RBM34: variants seen among roughly 807,000 people sequenced by gnomAD.
RBM34 encodes RNA-binding protein 34.
Under a neutral mutation model 44.6 loss-of-function variants are expected in RBM34, and 39 were observed. That is an observed-to-expected ratio of 0.87 (90% confidence interval 0.68 to 1.14). The LOEUF (loss-of-function observed/expected upper bound fraction) is 1.14. RBM34 is among the 50% of genes most tolerant of loss of function. The pLI, the probability that RBM34 is intolerant of heterozygous loss-of-function variation, is 0.00. For missense variants in RBM34, 572 were observed against 517.9 expected (o/e 1.10, Z -1.01); for synonymous variants, 194 against 184.0 (o/e 1.05, Z -0.44).
intron 3 of RBM34, chr1:235,160,120 G>T (rs973686507): frequency 1.5e-5 from 5 of 327,762 alleles, no homozygotes; most frequent in African/African-American, 1.1e-4. Context: ...TGGGCATGGT[G>T]ACGCAGGCCT....
At chr1:235,132,915 G>A (rs996726852) in intron 10 of RBM34, among the ~76,000 whole-genome samples, 4 of 152,138 alleles carry the variant, frequency 2.6e-5, no homozygotes, top group African/African-American at 7.2e-5. Flanking sequence ...GGCAACAAAC[G>A]CTGTGACAAT....
At position 235,138,434 on chromosome 1, in the gene RBM34, T is replaced by C. The variant is rs553130813; in HGVS notation, c.702-260A>G. Among the ~76,000 whole-genome samples, 179 of 152,338 alleles carry C rather than the reference T, an allele frequency of 1.2e-3. 1 individual carries two copies. The highest frequency in any genetic ancestry group is 3.4e-4 in the Non-Finnish European group (23 of 68,036). ...TGAGAAAACAGATGAACCATGTATA[T>C]GAATCCCTGAGAACCATACAAGAAC... On this transcript the variant is annotated intron_variant, in intron 6 of 10. Transcript: ENST00000408888.
intron 6 of RBM34, among the ~76,000 whole-genome samples, chr1:235,147,362 C>T (rs1661948703): frequency 6.6e-6 from 1 of 152,196 alleles, no homozygotes; most frequent in African/African-American, 2.4e-5. Flanking sequence ...CTTGTACATA[C>T]ACCTGTCAGA....
At chr1:235,152,964 G>A (rs2102855527) in intron 4 of RBM34, among the ~76,000 whole-genome samples, 199 bp from the exon 5 acceptor site, 1 of 151,092 alleles carries the variant, frequency 6.6e-6, no homozygotes, top group Middle Eastern at 3.4e-3. Context: ...CGCCCCCACG[G>A]CTTCAAGTGA....
intron 3 of RBM34, among the ~76,000 whole-genome samples, chr1:235,156,275 G>A (rs888304169): frequency 6.6e-6 from 1 of 152,034 alleles, no homozygotes; most frequent in Non-Finnish European, 1.5e-5. Context: ...AAGTGCTAGG[G>A]TTACAGGCGT....
intron 10 of RBM34, 101 bp from the exon 11 acceptor site, chr1:235,132,098 G>A: frequency 8.9e-7 from 1 of 1,120,394 alleles, no homozygotes; most frequent in East Asian, 2.4e-5. Flanking sequence ...TTTCAAGCTT[G>A]CACAGATAAG....
At chr1:235,151,477 C>A (rs186948572) in intron 5 of RBM34, among the ~76,000 whole-genome samples, 1 of 152,318 alleles carries the variant, frequency 6.6e-6, no homozygotes, top group East Asian at 1.9e-4. Context: ...ACTGTCAAAG[C>A]TTTGGGTAAC....
rs779373874 is a variant in RBM34, at chr1:235,155,024, C to CT, written c.453dup (p.Val152SerfsTer4). 1.9e-6 allele frequency: 3 copies of CT among 1,613,938 alleles called. No individual in the cohort carries two copies. The highest frequency in any genetic ancestry group is 2.5e-6 in the Non-Finnish European group (3 of 1,180,008). On this transcript the variant is annotated frameshift_variant, in exon 4 of 11. Coordinates refer to ENST00000408888, the MANE Select transcript of RBM34 (RefSeq NM_015014.4). LOFTEE classifies it high-confidence loss of function. ...TCATCAAGTATTTTTCTATCTGCTACTTTAACACCAGGTTGAGAATTTTTC... is the reference window on the plus strand; with the variant it reads ...TCATCAAGTATTTTTCTATCTGCTACTTTTAACACCAGGTTGAGAATTTTTC...
chr1:235,135,239 TCCCCC>T (rs1661373130), intron 10 of RBM34, among the ~76,000 whole-genome samples: 1 of 141,300 alleles, frequency 7.1e-6, no homozygotes, highest in Non-Finnish European at 1.6e-5. Flanking sequence ...TTTTTTTTTT[TCCCCC>T]TTGAGATGGA....
intron 6 of RBM34, 53 bp from the exon 7 acceptor site, chr1:235,138,227 T>C: frequency 1.4e-6 from 2 of 1,461,516 alleles, no homozygotes; most frequent in Non-Finnish European, 1.9e-6. Flanking sequence ...GGTAAATTTC[T>C]TAGCCTCAAA....
chr1:235,140,839 G>A (rs1305954073), intron 6 of RBM34, among the ~76,000 whole-genome samples: 2 of 151,202 alleles, frequency 1.3e-5, no homozygotes, highest in East Asian at 2.0e-4. Context: ...GTCTAGCTCA[G>A]GGTCTGTGAA....
intron 10 of RBM34, among the ~76,000 whole-genome samples, chr1:235,133,676 A>G (rs1661300799): frequency 6.6e-6 from 1 of 152,222 alleles, no homozygotes; most frequent in African/African-American, 2.4e-5. Flanking sequence ...AATCAACTGC[A>G]GATAGAAAAT....
Position 235,131,642 on chromosome 1 carries a change from G to T in RBM34, c.*71C>A. ...AAAACTCAACACATGAATAGCAGACGATGCTATCAGCAGATAATAGCACTT... is the reference window on the plus strand; with the variant it reads ...AAAACTCAACACATGAATAGCAGACTATGCTATCAGCAGATAATAGCACTT... On this transcript the variant is annotated 3_prime_UTR_variant, in exon 11 of 11. Transcript: ENST00000408888. 4 of 1,442,308 alleles carry T rather than the reference G, an allele frequency of 2.8e-6. No homozygotes were observed. Among genetic ancestry groups the T allele is most frequent in the Non-Finnish European group, 3.8e-6 (4 of 1,065,962 alleles). The allele number at this position is 1,442,308 out of a possible 1,614,324, so 89.3% of individuals were successfully genotyped here.
At chr1:235,148,256 G>T in intron 6 of RBM34, 148 bp downstream of exon 6, 3 of 468,214 alleles carry the variant, frequency 6.4e-6, no homozygotes, top group Non-Finnish European at 7.3e-6. Context: ...AAATCTAAAG[G>T]CTCTCAAATA....
Position 235,131,680 on chromosome 1 carries a change from C to G in RBM34, c.*33G>C. On this transcript the variant is annotated 3_prime_UTR_variant, in exon 11 of 11. Transcript: ENST00000408888. The stretch of plus-strand genomic sequence containing the variant: ...GATAATAGCACTTTTATTAGCAGTA[C>G]TCAGCAGGAAAAGAAAAAGCAGTTC... The G allele has an allele frequency of 6.4e-7, 1 of 1,564,234 alleles. No homozygotes were observed. The highest frequency in any genetic ancestry group is 8.6e-7 in the Non-Finnish European group (1 of 1,160,398).
intron 4 of RBM34, among the ~76,000 whole-genome samples, chr1:235,153,766 A>C (rs1662272667): frequency 6.6e-6 from 1 of 152,194 alleles, no homozygotes; most frequent in African/African-American, 2.4e-5. Flanking sequence ...AGTAGAGTTT[A>C]AACTGTCCTT....
At chr1:235,154,224 C>A in intron 4 of RBM34, among the ~76,000 whole-genome samples, 1 of 144,140 alleles carries the variant, frequency 6.9e-6, no homozygotes. Context: ...CCAGCCTGGG[C>A]AACAGAGCGA....
intron 10 of RBM34, among the ~76,000 whole-genome samples, 185 bp from the exon 11 acceptor site, chr1:235,132,182 C>T (rs1367124497): frequency 6.6e-6 from 1 of 152,156 alleles, no homozygotes; most frequent in African/African-American, 2.4e-5. Flanking sequence ...CCAGTGTTTC[C>T]TCAGAAAGCA....
intron 6 of RBM34, among the ~76,000 whole-genome samples, chr1:235,140,270 G>A (rs563026059): frequency 2.6e-5 from 4 of 152,346 alleles, no homozygotes; most frequent in Non-Finnish European, 5.9e-5. Context: ...CCCTCAGCTT[G>A]CAGGGAGGTG....
Sources: gnomAD v4.1 joint callset for allele counts (sites outside exome capture counted in the v4.1 genomes callset) on GRCh38, gnomAD v4.1.1 for gene constraint, MANE v1.5 for transcripts, NCBI Gene and HGNC (gene_info 2026-07-23, HGNC 2026-07-21) for gene names.